ARHGAP32: variants seen among roughly 807,000 people sequenced by gnomAD.
ARHGAP32 encodes rho GTPase-activating protein 32.
Under a neutral mutation model 186.5 loss-of-function variants are expected in ARHGAP32, and 51 were observed. The ratio of observed to expected loss-of-function variants is 0.27; its 90% CI spans 0.22 to 0.35. The LOEUF is 0.35. ARHGAP32 is among the 10% of genes least tolerant of loss of function. ARHGAP32 has a pLI of 1.00. For missense variants in ARHGAP32, 2,186 were observed against 2,623.5 expected, an observed-to-expected ratio of 0.83 and a Z score of 3.64; for synonymous variants, 950 against 964.3, an observed-to-expected ratio of 0.99 and a Z score of 0.27.
At chr11:129,018,816 T>C (rs7942958) in intron 11 of ARHGAP32, among the ~76,000 whole-genome samples, 62,506 of 151,998 alleles carry the variant, frequency 0.41, 13,457 homozygotes, top group Middle Eastern at 0.57. Context: ...TTAAAGGAAC[T>C]GAACAAATAC....
At chr11:129,157,895 C>G (rs1420771474) in intron 2 of ARHGAP32, among the ~76,000 whole-genome samples, 1 of 152,174 alleles carries the variant, frequency 6.6e-6, no homozygotes, top group Non-Finnish European at 1.5e-5. Flanking sequence ...AGAAACCGTA[C>G]AAGCCAGAAG....
chr11:129,170,891 G>A (rs1295695973), intron 1 of ARHGAP32, among the ~76,000 whole-genome samples: 4 of 152,110 alleles, frequency 2.6e-5, no homozygotes, highest in South Asian at 2.1e-4. Flanking sequence ...GTCTCACTGT[G>A]GTTTTGATTT....
chr11:129,180,138 TA>T (rs1193263032), intron 1 of ARHGAP32, among the ~76,000 whole-genome samples: 1 of 151,938 alleles, frequency 6.6e-6, no homozygotes, highest in Non-Finnish European at 1.5e-5. Flanking sequence ...AGAGAAAAAA[TA>T]AATCAACAAT....
Position 129,123,672 on chromosome 11 carries a change from A to G in ARHGAP32, c.360-142T>C, listed in dbSNP as rs909818981. On this transcript the variant is annotated intron_variant, in intron 4 of 22. Coordinates refer to ENST00000682385, the MANE Select transcript of ARHGAP32 (RefSeq NM_001378024.1). This position sits in a 1 kb window ranked among gnomAD's most constrained non-coding sequence, Gnocchi z 4.6. ...ATGCGCATGAGCCACACATATCCGC[A>G]CAAATCCTCTTAAAAATACACTGAG... 4.3e-5 allele frequency: 34 copies of G among 791,664 alleles called. No individual in the cohort carries two copies. The highest frequency in any genetic ancestry group is 6.8e-5 in the Non-Finnish European group (33 of 488,590). The allele number at this position is 791,664 out of a possible 1,614,324, so 49.0% of individuals were successfully genotyped here.
intron 1 of ARHGAP32, among the ~76,000 whole-genome samples, chr11:129,179,750 C>T (rs1221426229): frequency 6.6e-6 from 1 of 150,456 alleles, no homozygotes; most frequent in Non-Finnish European, 1.5e-5. Context: ...ACAATGAGAA[C>T]ACATGGACAT....
intron 5 of ARHGAP32, among the ~76,000 whole-genome samples, chr11:129,112,613 G>A (rs764092432): frequency 2.7e-4 from 41 of 151,998 alleles, no homozygotes; most frequent in Non-Finnish European, 5.7e-4. Context: ...AGTTATCTGG[G>A]AACTCATCTG....
In ARHGAP32 at chr11:129,130,070, T is replaced by A. The variant is rs1441425108; in HGVS notation, c.226-5176A>T. Among the ~76,000 whole-genome samples, 3 of 152,318 alleles carry A rather than the reference T, an allele frequency of 2.0e-5. 1 individual carries two copies. The South Asian group carries it at 6.2e-4, about 32-fold the overall frequency. ...TAAACCTCGAAATTGGAGGCCTTAC[T>A]TAGACCTTCTAATTTCAAGACTTAT... On this transcript the variant is annotated intron_variant, in intron 2 of 22. Coordinates refer to ENST00000682385, the MANE Select transcript of ARHGAP32 (RefSeq NM_001378024.1).
intron 6 of ARHGAP32, among the ~76,000 whole-genome samples, chr11:129,086,288 G>C (rs1428246812): frequency 6.6e-6 from 1 of 152,010 alleles, no homozygotes; most frequent in Non-Finnish European, 1.5e-5. Context: ...AACTCAAAAT[G>C]GATCACAGAC....
intron 11 of ARHGAP32, among the ~76,000 whole-genome samples, chr11:129,032,567 T>C (rs1483171598): frequency 2.0e-5 from 3 of 152,180 alleles, no homozygotes; most frequent in Non-Finnish European, 4.4e-5. Flanking sequence ...TAACAATATA[T>C]CAGAGAAAAA....
At chr11:129,109,355 T>C (rs577646437) in intron 5 of ARHGAP32, among the ~76,000 whole-genome samples, 1 of 152,212 alleles carries the variant, frequency 6.6e-6, no homozygotes, top group Admixed American at 6.5e-5. Context: ...TCCATATCTT[T>C]GTTATTGTAA....
intron 2 of ARHGAP32, among the ~76,000 whole-genome samples, chr11:129,131,658 C>T (rs1410951035): frequency 1.3e-5 from 2 of 152,130 alleles, no homozygotes; most frequent in Non-Finnish European, 1.5e-5. Flanking sequence ...ATCCCATCAC[C>T]TCCCACCAGG....
At chr11:129,011,314 G>A (rs181972018) in intron 11 of ARHGAP32, among the ~76,000 whole-genome samples, 31 of 152,282 alleles carry the variant, frequency 2.0e-4, no homozygotes, top group Non-Finnish European at 3.5e-4. Context: ...CCAGGATTCC[G>A]AATCAGGGCA....
At chr11:129,032,879 C>T (rs1254256201) in intron 11 of ARHGAP32, among the ~76,000 whole-genome samples, 1 of 152,168 alleles carries the variant, frequency 6.6e-6, no homozygotes, top group Non-Finnish European at 1.5e-5. Context: ...CCTGGATCAA[C>T]AGAACATTAC....
At chr11:128,982,983 T>C (rs1207425552) in intron 15 of ARHGAP32, among the ~76,000 whole-genome samples, 1 of 150,986 alleles carries the variant, frequency 6.6e-6, no homozygotes, top group Admixed American at 6.6e-5. Flanking sequence ...AGATAAAATG[T>C]GGTCTACATC....
At chr11:129,118,807 A>G (rs1395839578) in intron 5 of ARHGAP32, among the ~76,000 whole-genome samples, 1 of 152,054 alleles carries the variant, frequency 6.6e-6, no homozygotes, top group African/African-American at 2.4e-5. Flanking sequence ...GGCTAGTGGG[A>G]CAAGTATAGC....
In ARHGAP32 at chr11:128,998,404, T is replaced by C. The variant is rs775182357; in HGVS notation, c.1110A>G (p.Lys370=). The change falls in exon 12 of 23, where the codon AAA becomes AAG. Residue 370 remains lysine (K), a synonymous_variant. Transcript: ENST00000682385. ...AGATTCCCCGCTGCTTCAGCTTCTG[T>C]TTTGTTGGACGAGACTTCATGAATG... The part of the protein sequence containing the change: ...LRTFMKSRPT[K]QKLKQRGILK... The C allele has an allele frequency of 8.8e-6, 14 of 1,599,206 alleles. No individual in the cohort carries two copies. Among genetic ancestry groups the C allele is most frequent in the Admixed American group, 1.7e-5 (1 of 58,934 alleles).
At chr11:129,129,946 T>C (rs1259382350) in intron 2 of ARHGAP32, among the ~76,000 whole-genome samples, 1 of 152,258 alleles carries the variant, frequency 6.6e-6, no homozygotes, top group Non-Finnish European at 1.5e-5. Context: ...TTTCAACTTA[T>C]ATTCTCTATC....
chr11:129,141,707 C>CA lies in ARHGAP32; in HGVS notation c.226-16814dup, dbSNP rs1047671099. 3.9e-3 allele frequency among the ~76,000 whole-genome samples: 524 copies of CA among 134,274 alleles called. 4 individuals are homozygous for CA. The highest frequency in any genetic ancestry group is 0.012 in the African/African-American group (453 of 36,838). 88.1% of individuals were successfully genotyped at this position (134,274 alleles called of 152,430 possible). ...CAATTAAAAATAAAATATATAAAAT[C>CA]AAAAAAAAAAACTCTCTGCATTGTA... is the stretch of plus-strand genomic sequence containing the variant. On this transcript the variant is annotated intron_variant, in intron 2 of 22. Coordinates refer to ENST00000682385, the MANE Select transcript of ARHGAP32 (RefSeq NM_001378024.1).
chr11:129,182,303 AT>A (rs1481762134), intron 1 of ARHGAP32, among the ~76,000 whole-genome samples: 2 of 152,074 alleles, frequency 1.3e-5, no homozygotes, highest in African/African-American at 2.4e-5. Context: ...AGTAAAAAAA[AT>A]ATTTTTATAT....
Sources: allele counts gnomAD v4.1 joint callset (sites outside exome capture counted in the v4.1 genomes callset), GRCh38; gene constraint gnomAD v4.1.1; non-coding constraint Gnocchi (gnomAD v3.1); transcripts MANE v1.5; gene names NCBI Gene and HGNC (gene_info 2026-07-23, HGNC 2026-07-21).